RERE: variants seen among roughly 807,000 people sequenced by gnomAD.
RERE encodes arginine-glutamic acid dipeptide repeats protein.
In RERE, 40 loss-of-function variants were observed where a neutral mutation model predicts 146.1. The ratio of observed to expected loss-of-function variants is 0.27; its 90% CI spans 0.21 to 0.36. RERE has a LOEUF of 0.36. Among genes scored for constraint, RERE ranks in the 10% least tolerant of loss-of-function variants. The pLI is 1.00. For synonymous variants in RERE, 1,003 were observed against 866.0 expected, an observed-to-expected ratio of 1.16 and a Z score of -2.78; for missense variants, 1,933 against 2,138.7, an observed-to-expected ratio of 0.90 and a Z score of 1.90.
At chr1:8,605,845 C>CTTTTT (rs60346942) in intron 4 of RERE, among the ~76,000 whole-genome samples, 19,544 of 92,668 alleles carry the variant, frequency 0.21, 5,236 homozygotes, top group East Asian at 0.72. Flanking sequence ...AAATACCAAA[C>CTTTTT]TTTTTTTTTT....
intron 1 of RERE, among the ~76,000 whole-genome samples, chr1:8,678,326 C>T (rs534093296): frequency 3.0e-4 from 45 of 152,054 alleles, no homozygotes; most frequent in Non-Finnish European, 5.4e-4. Context: ...AAAAAACAGG[C>T]GACTTTTGGG....
At chr1:8,793,413 T>C (rs183160857) in intron 1 of RERE, among the ~76,000 whole-genome samples, 1 of 152,242 alleles carries the variant, frequency 6.6e-6, no homozygotes, top group East Asian at 1.9e-4. Context: ...TCAAAAGATG[T>C]CTTGGATTTC....
intron 11 of RERE, among the ~76,000 whole-genome samples, chr1:8,439,285 C>T (rs1157382253): frequency 6.6e-6 from 1 of 152,226 alleles, no homozygotes. Context: ...TGCTCAATTA[C>T]TAATTGTTCT....
At chr1:8,550,968 A>G (rs1468567212) in intron 6 of RERE, among the ~76,000 whole-genome samples, 3 of 152,224 alleles carry the variant, frequency 2.0e-5, no homozygotes, top group Non-Finnish European at 2.9e-5. Context: ...TAGGGAGATA[A>G]ATTAATTTAT....
intron 12 of RERE, among the ~76,000 whole-genome samples, chr1:8,384,517 A>G (rs1463376997): frequency 1.3e-5 from 2 of 152,254 alleles, no homozygotes; most frequent in Non-Finnish European, 2.9e-5. Flanking sequence ...GCAAATAAAG[A>G]GGTAAATGAG....
At chr1:8,472,194 G>A (rs1177605474) in intron 10 of RERE, among the ~76,000 whole-genome samples, 7 of 152,176 alleles carry the variant, frequency 4.6e-5, no homozygotes, top group Non-Finnish European at 2.9e-5. Context: ...ACATAAAGTA[G>A]AATTGGTAAA....
chr1:8,482,734 G>A (rs17032632), intron 10 of RERE, among the ~76,000 whole-genome samples: 3,028 of 143,300 alleles, frequency 0.021, 92 homozygotes, highest in African/African-American at 0.072. Flanking sequence ...CGCAATTTGT[G>A]TTAAAATGTT....
chr1:8,704,124 A>G (rs554557770), intron 1 of RERE, among the ~76,000 whole-genome samples: 3 of 152,210 alleles, frequency 2.0e-5, no homozygotes, highest in African/African-American at 7.2e-5. Context: ...CATTAATTCA[A>G]TTTTTATGTG....
At position 8,728,066 on chromosome 1, in the gene RERE, C is replaced by G. The variant is rs192899404; in HGVS notation, c.-144-71625G>C. On this transcript the variant is annotated intron_variant, in intron 1 of 22. Transcript: ENST00000400908. ...AGAGGCTACTTCTGCAGCTAAGCATCTGTCCTTTCAGCTCCTGGCAGTTCC... is the reference window on the plus strand; with the variant it reads ...AGAGGCTACTTCTGCAGCTAAGCATGTGTCCTTTCAGCTCCTGGCAGTTCC... 4.2e-4 allele frequency among the ~76,000 whole-genome samples: 64 copies of G among 152,362 alleles called. No homozygotes were observed. The East Asian group carries it at 0.011, about 27-fold the overall frequency.
At chr1:8,571,238 T>C (rs550812779) in intron 4 of RERE, among the ~76,000 whole-genome samples, 3 of 152,330 alleles carry the variant, frequency 2.0e-5, no homozygotes, top group Non-Finnish European at 4.4e-5. Context: ...AGAAAGATAT[T>C]AGCTTACAAT....
intron 2 of RERE, among the ~76,000 whole-genome samples, chr1:8,635,071 A>G (rs1647080982): frequency 6.6e-6 from 1 of 152,208 alleles, no homozygotes; most frequent in Admixed American, 6.5e-5. Context: ...TAAAACATCA[A>G]GACACTTTCC....
At chr1:8,585,134 A>C (rs1646411327) in intron 4 of RERE, among the ~76,000 whole-genome samples, 1 of 132,964 alleles carries the variant, frequency 7.5e-6, no homozygotes, top group Non-Finnish European at 1.6e-5. Flanking sequence ...GCAACGGAGC[A>C]AGACTCCATC....
At chr1:8,593,138 T>C (rs1646514753) in intron 4 of RERE, among the ~76,000 whole-genome samples, 1 of 152,142 alleles carries the variant, frequency 6.6e-6, no homozygotes, top group Non-Finnish European at 1.5e-5. Context: ...TCAACGTCCA[T>C]TCTCCCCATT....
chr1:8,416,210 T>C (rs1028410911), intron 12 of RERE, among the ~76,000 whole-genome samples: 2 of 152,188 alleles, frequency 1.3e-5, no homozygotes, highest in Non-Finnish European at 2.9e-5. Context: ...ACAAGAGCTT[T>C]TGTATCAAGT....
intron 12 of RERE, among the ~76,000 whole-genome samples, chr1:8,402,306 G>A (rs575046497): frequency 1.3e-5 from 2 of 152,318 alleles, no homozygotes; most frequent in African/African-American, 4.8e-5. Context: ...CAGCCTCAGA[G>A]TCACCATCAC....
intron 7 of RERE, among the ~76,000 whole-genome samples, chr1:8,527,686 C>T (rs919008011): frequency 2.6e-5 from 4 of 152,302 alleles, no homozygotes; most frequent in South Asian, 2.1e-4. Context: ...CCAATGGTGG[C>T]GCCAGCCTTT....
chr1:8,442,730 A>C (rs555985232), intron 11 of RERE, among the ~76,000 whole-genome samples: 16 of 152,322 alleles, frequency 1.1e-4, no homozygotes, highest in Admixed American at 1.0e-3. Context: ...AGATGTTAGA[A>C]GAGTTTGCAG....
At chr1:8,392,706 T>C (rs1642924648) in intron 12 of RERE, among the ~76,000 whole-genome samples, 1 of 152,158 alleles carries the variant, frequency 6.6e-6, no homozygotes, top group African/African-American at 2.4e-5. Flanking sequence ...TCAGCATCTG[T>C]TACGCCAGCA....
At chr1:8,708,761 AC>A (rs1207280695) in intron 1 of RERE, among the ~76,000 whole-genome samples, 1 of 151,858 alleles carries the variant, frequency 6.6e-6, no homozygotes, top group East Asian at 1.9e-4. Context: ...AGTCCACTAA[AC>A]CTCTTTTCTT....
Sources: allele counts gnomAD v4.1 joint callset (sites outside exome capture counted in the v4.1 genomes callset), GRCh38; gene constraint gnomAD v4.1.1; transcripts MANE v1.5; gene names NCBI Gene and HGNC (gene_info 2026-07-23, HGNC 2026-07-21).